Variants in CRYBG3 observed in about 807,000 individuals in gnomAD.
CRYBG3 encodes very large A-kinase anchor protein.
CRYBG3 carries 127 observed loss-of-function variants against 244.2 expected under a neutral mutation model. That is an observed-to-expected ratio of 0.52 (90% CI 0.45 to 0.60). CRYBG3 has a LOEUF of 0.60. Ranked by LOEUF, CRYBG3 falls within the 20% of genes least tolerant of loss-of-function variation. The pLI is 0.00. For synonymous variants in CRYBG3, 1,132 were observed against 1,195.8 expected (o/e 0.95, Z 1.10); for missense variants, 3,325 against 3,442.5 (o/e 0.97, Z 0.85).
At chr3:97,906,697 A>G (rs1208683959) in intron 15 of CRYBG3, among the ~76,000 whole-genome samples, 1 of 147,656 alleles carries the variant, frequency 6.8e-6, no homozygotes, top group Non-Finnish European at 1.5e-5. Flanking sequence ...GCAAACAGGG[A>G]CAATTTGACT....
rs541051445 is a variant in CRYBG3 at position 97,876,368 on chromosome 3, A to T, written c.5174A>T (p.Asp1725Val). ...ENTYQKDAEGDIGKAEVMPVR... is the reference protein window; with the variant it reads ...ENTYQKDAEGVIGKAEVMPVR... ...ACTTACCAAAAGGATGCTGAAGGGG[A>T]TATTGGAAAGGCTGAAGTGATGCCT... The change falls in exon 4 of 22, where the codon GAT becomes GTT. Residue 1725 changes from aspartate (D) to valine (V), a missense_variant. Around this residue, in one of 4 missense-constraint regions of CRYBG3, gnomAD observed 635 missense variants for 771.7 expected, o/e 0.82. Transcript: ENST00000389622. 3 of 1,232,086 alleles carry T rather than the reference A, an allele frequency of 2.4e-6. No individual in the cohort carries two copies. The highest frequency in any genetic ancestry group is 6.3e-5 in the East Asian group (2 of 31,696). 76.3% of individuals were successfully genotyped at this position (1,232,086 alleles called of 1,614,324 possible).
intron 15 of CRYBG3, 117 bp from the exon 16 acceptor site, chr3:97,912,050 C>T (rs536545996): frequency 2.0e-5 from 10 of 488,358 alleles, no homozygotes; most frequent in Middle Eastern, 4.4e-4. Flanking sequence ...ATAGATAAAA[C>T]ATGAGTCTGA....
chr3:97,916,110 A>G lies in CRYBG3; in HGVS notation c.8241+374A>G, dbSNP rs1328126355. Among the ~76,000 whole-genome samples the G allele has an allele frequency of 2.0e-5, 3 of 152,186 alleles. No individual in the cohort carries two copies. In the East Asian group the frequency reaches 5.8e-4, roughly 29 times the overall value. ...GGCCATTGGGATATTAAATGAGATG[A>G]TGCTTATAAAGTGCACAGCATATGG... On this transcript the variant is annotated intron_variant, in intron 17 of 21. Transcript: ENST00000389622.
intron 17 of CRYBG3, among the ~76,000 whole-genome samples, chr3:97,927,462 A>T (rs1407012806): frequency 2.0e-5 from 3 of 152,100 alleles, no homozygotes; most frequent in South Asian, 4.1e-4. Context: ...AACTGTAAAA[A>T]ACCCTAGAAG....
At chr3:97,828,103 A>C (rs1310812245) in intron 1 of CRYBG3, among the ~76,000 whole-genome samples, 1 of 152,176 alleles carries the variant, frequency 6.6e-6, no homozygotes, top group Non-Finnish European at 1.5e-5. Context: ...TTCAAAAGAG[A>C]GTTTCAGATG....
intron 16 of CRYBG3, among the ~76,000 whole-genome samples, chr3:97,914,450 CAT>C (rs1161274448): frequency 1.3e-5 from 2 of 152,146 alleles, no homozygotes; most frequent in African/African-American, 4.8e-5. Context: ...ACTAGTCACA[CAT>C]GTCTCTTCAT....
At chr3:97,932,489 G>T (rs1390869111) in intron 17 of CRYBG3, among the ~76,000 whole-genome samples, 6 of 152,042 alleles carry the variant, frequency 3.9e-5, no homozygotes, top group Non-Finnish European at 8.8e-5. Flanking sequence ...GCAAGTATAA[G>T]CAGGTCCCTT....
At chr3:97,870,744 A>G (rs138058911) in intron 3 of CRYBG3, among the ~76,000 whole-genome samples, 14 of 152,306 alleles carry the variant, frequency 9.2e-5, no homozygotes, top group African/African-American at 3.4e-4. Flanking sequence ...TTACTTATTC[A>G]TTAATTCATG....
At chr3:97,932,535 T>C (rs1442847340) in intron 17 of CRYBG3, among the ~76,000 whole-genome samples, 1 of 152,086 alleles carries the variant, frequency 6.6e-6, no homozygotes, top group African/African-American at 2.4e-5. Flanking sequence ...ATTTTCTGCC[T>C]GTTCATTTAT....
chr3:97,824,293 G>C (rs2038549922), intron 1 of CRYBG3, among the ~76,000 whole-genome samples: 1 of 152,168 alleles, frequency 6.6e-6, no homozygotes, highest in Non-Finnish European at 1.5e-5. Flanking sequence ...ATTTCAAAAT[G>C]AAAGAGTATT....
At position 97,876,616 on chromosome 3, in the gene CRYBG3, G is replaced by A; in HGVS notation, c.5422G>A (p.Val1808Met). 3 of 1,234,376 alleles carry A rather than the reference G, an allele frequency of 2.4e-6. No homozygotes were observed. In the South Asian group the frequency reaches 1.2e-4, roughly 50 times the overall value. The allele number at this position is 1,234,376 out of a possible 1,614,324, so 76.5% of individuals were successfully genotyped here. Residue 1808 changes from valine (V) to methionine (M), a missense_variant, in exon 4 of 22, where the codon GTG becomes ATG. Val to Met is a conservative substitution (Grantham distance 21). Transcript: ENST00000389622. Reference sequence around the variant, plus strand: ...TGAAATAGTACCGTGTGTGTTAAAAGTGAAGGAAGCACACGAGACAGCACC... The same window carrying A: ...TGAAATAGTACCGTGTGTGTTAAAAATGAAGGAAGCACACGAGACAGCACC... ...NTEIVPCVLK[V>M]KEAHETAPAP...
chr3:97,942,433 T>C lies in CRYBG3; in HGVS notation c.8814T>C (p.Leu2938=). The C allele has an allele frequency of 6.2e-7, 1 of 1,610,050 alleles. No individual in the cohort carries two copies. Among genetic ancestry groups the C allele is most frequent in the South Asian group, 1.1e-5 (1 of 90,590 alleles). ...CTTATCTCAGTGATCAACTTGTCCT[T>C]GATGTTAAAGGTGGGCCTTTGATGA... The part of the protein sequence containing the change: ...ISSYLSDQLV[L]DVKGGNYCDK... The change falls in exon 21 of 22, where the codon CTT becomes CTC. Residue 2938 remains leucine (L), a synonymous_variant. Transcript: ENST00000389622.
rs565324449 is a variant in CRYBG3, at chr3:97,840,158, A to G, written c.150-3037A>G. The stretch of plus-strand genomic sequence containing the variant: ...GGAAGGATGTTGCAAGCAGCAGAAT[A>G]AAGTGATTTGTAGGAGTGTAAACTT... On this transcript the variant is annotated intron_variant, in intron 1 of 21. Transcript: ENST00000389622. Among the ~76,000 whole-genome samples the G allele has an allele frequency of 6.2e-4, 94 of 152,122 alleles. 2 individuals carry two copies. The South Asian group carries it at 0.018, about 30-fold the overall frequency.
chr3:97,849,753 ACAG>A (rs2038956953), intron 2 of CRYBG3, among the ~76,000 whole-genome samples: 1 of 152,170 alleles, frequency 6.6e-6, no homozygotes, highest in Non-Finnish European at 1.5e-5. Flanking sequence ...ATTTGCCTTT[ACAG>A]GTGTCAGATA....
At chr3:97,832,288 T>G (rs756622760) in intron 1 of CRYBG3, among the ~76,000 whole-genome samples, 40 of 147,378 alleles carry the variant, frequency 2.7e-4, no homozygotes, top group Non-Finnish European at 5.0e-4. Flanking sequence ...AGAAGAAAGC[T>G]GGAGGTATCA....
At chr3:97,838,238 G>A (rs1387661027) in intron 1 of CRYBG3, among the ~76,000 whole-genome samples, 1 of 152,134 alleles carries the variant, frequency 6.6e-6, no homozygotes, top group Non-Finnish European at 1.5e-5. Flanking sequence ...GGCAGTGTTG[G>A]AAAATGGGTA....
Position 97,875,657 on chromosome 3 carries a change from C to G in CRYBG3, c.4463C>G (p.Ala1488Gly), listed in dbSNP as rs1466861926. ...WPPLVNDDIHAPGTSKSSLSD... is the reference protein window; with the variant it reads ...WPPLVNDDIHGPGTSKSSLSD... ...CCACTTGTGAATGATGACATCCATG[C>G]ACCTGGTACATCTAAAAGCAGTTTG... The change falls in exon 4 of 22, where the codon GCA becomes GGA. Residue 1488 changes from alanine to glycine, a missense_variant. Transcript: ENST00000389622. The G allele has an allele frequency of 2.4e-6, 3 of 1,233,800 alleles. No individual in the cohort carries two copies. Among genetic ancestry groups the G allele is most frequent in the East Asian group, 6.3e-5 (2 of 31,734 alleles). 76.4% of individuals were successfully genotyped at this position (1,233,800 alleles called of 1,614,324 possible). A position where few individuals can be genotyped will look rare whatever the true frequency, so the allele number is the denominator to read the frequency against.
At chr3:97,861,697 A>C (rs2039151607) in intron 2 of CRYBG3, among the ~76,000 whole-genome samples, 1 of 152,032 alleles carries the variant, frequency 6.6e-6, no homozygotes, top group Non-Finnish European at 1.5e-5. Flanking sequence ...CTTTCATTCT[A>C]CTCATTCATT....
intron 2 of CRYBG3, among the ~76,000 whole-genome samples, chr3:97,856,075 G>A (rs553567120): frequency 3.3e-5 from 5 of 152,100 alleles, no homozygotes; most frequent in South Asian, 2.1e-4. Context: ...CTACAGCCTC[G>A]ACCATAAGAT....
Sources: gnomAD v4.1 joint callset for allele counts (sites outside exome capture counted in the v4.1 genomes callset) on GRCh38, gnomAD v4.1.1 for gene constraint, gnomAD v4.1.1 regional missense constraint, MANE v1.5 for transcripts, NCBI Gene and HGNC (gene_info 2026-07-23, HGNC 2026-07-21) for gene names.